Variants in CSMD1 observed in about 807,000 individuals in gnomAD.
The protein encoded by CSMD1 is CUB and sushi domain-containing protein 1.
In CSMD1, 213 loss-of-function variants were observed where a neutral mutation model predicts 417.5. That is an observed-to-expected ratio of 0.51 (90% CI 0.46 to 0.57). The LOEUF (loss-of-function observed/expected upper bound fraction) is 0.57, where lower values mean the gene tolerates loss of function less well. Among genes scored for constraint, CSMD1 ranks in the 20% least tolerant of loss-of-function variants. The pLI, the probability that CSMD1 is intolerant of heterozygous loss-of-function variation, is 0.00. For missense variants in CSMD1, 6,923 were observed against 4,529.7 expected, an observed-to-expected ratio of 1.53 and a Z score of -15.17; for synonymous variants, 2,862 against 1,736.8, an observed-to-expected ratio of 1.65 and a Z score of -16.11.
At chr8:4,873,589 T>A (rs1802862503) in intron 1 of CSMD1, among the ~76,000 whole-genome samples, 1 of 152,208 alleles carries the variant, frequency 6.6e-6, no homozygotes, top group South Asian at 2.1e-4. Flanking sequence ...ACAATTCAAC[T>A]TTTTTCAAGG....
At chr8:4,616,104 T>C (rs1801460310) in intron 2 of CSMD1, among the ~76,000 whole-genome samples, 1 of 152,164 alleles carries the variant, frequency 6.6e-6, no homozygotes, top group Admixed American at 6.6e-5. Context: ...GCCCAAACTA[T>C]TTAGACATCT....
chr8:4,877,879 G>A (rs75690861), intron 1 of CSMD1, among the ~76,000 whole-genome samples: 15 of 152,130 alleles, frequency 9.9e-5, no homozygotes, highest in African/African-American at 3.1e-4. Context: ...ACCCAGTGTA[G>A]CATCAAGGAA....
intron 2 of CSMD1, among the ~76,000 whole-genome samples, chr8:4,510,611 C>T (rs917918794): frequency 6.7e-6 from 1 of 148,512 alleles, no homozygotes; most frequent in Non-Finnish European, 1.5e-5. Context: ...TGCCTTCCTT[C>T]CCTCCTCCCT....
chr8:3,910,780 G>C (rs1047461620), intron 5 of CSMD1, among the ~76,000 whole-genome samples: 6 of 152,168 alleles, frequency 3.9e-5, no homozygotes, highest in Non-Finnish European at 7.3e-5. Flanking sequence ...TCTCTCCAGA[G>C]TACATTATTA....
chr8:3,666,819 T>C (rs1184001989), intron 7 of CSMD1, among the ~76,000 whole-genome samples: 2 of 151,960 alleles, frequency 1.3e-5, no homozygotes, highest in Non-Finnish European at 2.9e-5. Flanking sequence ...CATGTGGAAC[T>C]GTGAGTCCAT....
intron 10 of CSMD1, among the ~76,000 whole-genome samples, chr8:3,520,723 C>CT (rs1460097187): frequency 6.6e-6 from 1 of 151,888 alleles, no homozygotes; most frequent in Non-Finnish European, 1.5e-5. Context: ...GGCTGCCCAC[C>CT]TTTTTTTGTG....
At chr8:4,550,758 T>A (rs1189264915) in intron 2 of CSMD1, among the ~76,000 whole-genome samples, 1 of 152,202 alleles carries the variant, frequency 6.6e-6, no homozygotes, top group Non-Finnish European at 1.5e-5. Flanking sequence ...CTTTTTCTTC[T>A]GAGCCCGGAG....
chr8:4,014,587 A>T (rs1156879099), intron 4 of CSMD1, among the ~76,000 whole-genome samples: 1 of 152,188 alleles, frequency 6.6e-6, no homozygotes, highest in East Asian at 1.9e-4. Context: ...TCTAATCTTT[A>T]TCACTCCTGT....
intron 8 of CSMD1, among the ~76,000 whole-genome samples, chr8:3,603,076 C>A (rs142924869): frequency 1.6e-3 from 247 of 152,278 alleles, no homozygotes; most frequent in African/African-American, 5.4e-3. Context: ...CAAATATGAT[C>A]TGAAACATTC....
chr8:4,340,679 T>C (rs1563072652), intron 3 of CSMD1, among the ~76,000 whole-genome samples: 1 of 152,074 alleles, frequency 6.6e-6, no homozygotes, highest in Non-Finnish European at 1.5e-5. Flanking sequence ...GAGAGTAGGC[T>C]GGAGTTTATT....
At chr8:4,133,900 C>T (rs1485303549) in intron 3 of CSMD1, among the ~76,000 whole-genome samples, 1 of 152,126 alleles carries the variant, frequency 6.6e-6, no homozygotes, top group East Asian at 1.9e-4. Flanking sequence ...ATCTTGTAAA[C>T]ATAGTTATCC....
At chr8:3,924,981 T>A (rs1000356200) in intron 5 of CSMD1, among the ~76,000 whole-genome samples, 1 of 152,198 alleles carries the variant, frequency 6.6e-6, no homozygotes, top group African/African-American at 2.4e-5. Flanking sequence ...TGAAGCAGTA[T>A]TTCTTTAGTC....
At chr8:4,656,999 A>T (rs1804272652) in intron 1 of CSMD1, among the ~76,000 whole-genome samples, 1 of 151,978 alleles carries the variant, frequency 6.6e-6, no homozygotes, top group African/African-American at 2.4e-5. Context: ...GATCCTCAAA[A>T]ACCACCGTAG....
chr8:4,341,673 G>A (rs940658935), intron 3 of CSMD1, among the ~76,000 whole-genome samples: 3 of 152,110 alleles, frequency 2.0e-5, no homozygotes, highest in African/African-American at 7.2e-5. Context: ...TTTCAGCAAA[G>A]CGACGCAGTC....
At chr8:4,012,870 G>C (rs1273110690) in intron 4 of CSMD1, among the ~76,000 whole-genome samples, 1 of 152,074 alleles carries the variant, frequency 6.6e-6, no homozygotes, top group African/African-American at 2.4e-5. Context: ...ACTCTTCTAT[G>C]TCTCTCATGT....
At position 3,800,768 on chromosome 8, in the gene CSMD1, A is replaced by T. The variant is rs75918066; in HGVS notation, c.819-46726T>A. Among the ~76,000 whole-genome samples, 926 of 152,150 alleles carry T rather than the reference A, an allele frequency of 6.1e-3. 9 individuals are homozygous for T. Among genetic ancestry groups the T allele is most frequent in the African/African-American group, 0.021 (855 of 41,522 alleles). ...TGTTGAGGTAGTTTGTTTTTAAGCAAATTCCCTCCTCATGTTTGGCTGTAT... is the reference window on the plus strand; with the variant it reads ...TGTTGAGGTAGTTTGTTTTTAAGCATATTCCCTCCTCATGTTTGGCTGTAT... On this transcript the variant is annotated intron_variant, in intron 5 of 69. Transcript: ENST00000635120.
chr8:3,652,257 T>C (rs1173160447), intron 7 of CSMD1, among the ~76,000 whole-genome samples: 4 of 151,116 alleles, frequency 2.6e-5, no homozygotes, highest in African/African-American at 9.8e-5. Context: ...TCATTGCACT[T>C]ACCACCATCA....
chr8:4,236,039 G>GTTTTT (rs869245155), intron 3 of CSMD1, among the ~76,000 whole-genome samples: 7 of 31,702 alleles, frequency 2.2e-4, no homozygotes, highest in African/African-American at 4.8e-4. Context: ...TTTTTTGTTT[G>GTTTTT]TTTTTTTTTT....
chr8:3,000,252 T>C, intron 52 of CSMD1, 121 bp from the exon 53 acceptor site: 3 of 484,088 alleles, frequency 6.2e-6, no homozygotes, highest in Non-Finnish European at 7.0e-6. Context: ...GAAATCTTTA[T>C]CATTACATAT....
Sources: allele counts gnomAD v4.1 joint callset (sites outside exome capture counted in the v4.1 genomes callset), GRCh38; gene constraint gnomAD v4.1.1; transcripts MANE v1.5; gene names NCBI Gene and HGNC (gene_info 2026-07-23, HGNC 2026-07-21).